RGS7: variants seen among roughly 807,000 people sequenced by gnomAD.
The protein encoded by RGS7 is regulator of G protein signaling 7.
A neutral mutation model predicts 81.1 loss-of-function variants in RGS7; 27 were observed. The observed-to-expected ratio is 0.33, with a 90% CI of 0.25 to 0.46. The LOEUF (loss-of-function observed/expected upper bound fraction) is 0.46, where lower values mean the gene tolerates loss of function less well. RGS7 is among the 20% of genes least tolerant of loss of function. RGS7 has a pLI of 1.00. For missense variants in RGS7, 396 were observed against 607.4 expected (o/e 0.65, Z 3.66); for synonymous variants, 208 against 207.7 (o/e 1.00, Z -0.01).
chr1:240,937,258 A>T (rs1676800970), intron 4 of RGS7, among the ~76,000 whole-genome samples: 1 of 152,330 alleles, frequency 6.6e-6, no homozygotes, highest in Non-Finnish European at 1.5e-5. Context: ...GTGCTCTCGC[A>T]GTGGCCAGAA....
At chr1:241,068,309 A>G (rs1306615242) in intron 3 of RGS7, among the ~76,000 whole-genome samples, 2 of 143,788 alleles carry the variant, frequency 1.4e-5, no homozygotes, top group Non-Finnish European at 3.0e-5. Flanking sequence ...TTAAAGACCT[A>G]TATTTAGTTG....
At chr1:240,791,830 T>C (rs1347787179) in intron 18 of RGS7, among the ~76,000 whole-genome samples, 1 of 152,202 alleles carries the variant, frequency 6.6e-6, no homozygotes, top group Admixed American at 6.5e-5. Context: ...TCCTAGATAC[T>C]TAAAACAAAT....
At chr1:240,920,415 G>C (rs1673319718) in intron 6 of RGS7, 7 of 1,356,990 alleles carry the variant, frequency 5.2e-6, no homozygotes, top group Non-Finnish European at 6.2e-6. Flanking sequence ...CAATTTTGGA[G>C]GTGGTGGAAG....
chr1:240,798,093 C>T (rs1206251553), intron 18 of RGS7, among the ~76,000 whole-genome samples: 1 of 152,122 alleles, frequency 6.6e-6, no homozygotes, highest in Admixed American at 6.6e-5. Flanking sequence ...TCACTATTTC[C>T]CCATTTTTTT....
At chr1:240,986,493 A>G (rs1422384622) in intron 3 of RGS7, among the ~76,000 whole-genome samples, 6 of 151,834 alleles carry the variant, frequency 4.0e-5, no homozygotes, top group Non-Finnish European at 4.4e-5. Flanking sequence ...CCCAAATTCT[A>G]TTTTCACAGA....
intron 2 of RGS7, among the ~76,000 whole-genome samples, chr1:241,127,642 T>A (rs113483797): frequency 6.6e-6 from 1 of 152,066 alleles, no homozygotes; most frequent in South Asian, 2.1e-4. Context: ...TGTATACATA[T>A]GTAACAAACC....
At chr1:240,957,093 G>A (rs1416300932) in intron 4 of RGS7, among the ~76,000 whole-genome samples, 3 of 152,140 alleles carry the variant, frequency 2.0e-5, no homozygotes, top group Non-Finnish European at 2.9e-5. Context: ...AACATTTGAG[G>A]CAGTGGACTG....
chr1:241,119,078 T>G (rs2066064871), intron 2 of RGS7, among the ~76,000 whole-genome samples: 1 of 151,946 alleles, frequency 6.6e-6, no homozygotes, highest in Non-Finnish European at 1.5e-5. Flanking sequence ...AATTAAAAAT[T>G]TACCAGCTAT....
Position 240,806,322 on chromosome 1 carries a change from A to G in RGS7, c.1087T>C (p.Trp363Arg). 1 of 1,613,876 alleles carries G rather than the reference A, an allele frequency of 6.2e-7. No individual in the cohort carries two copies. The highest frequency in any genetic ancestry group is 8.5e-7 in the Non-Finnish European group (1 of 1,179,840). The change falls in exon 15 of 19, where the codon TGG becomes CGG. Residue 363 changes from tryptophan (W) to arginine (R), a missense_variant. Trp to Arg is a moderately radical substitution (Grantham distance 101). Coordinates refer to ENST00000440928, the MANE Select transcript of RGS7 (RefSeq NM_001364886.1). Reference sequence around the variant, plus strand: ...TTTTTCAGGTCCTCCACTGCCAGCCAGAATCTATGCAGAATGTGAGATCGG... The same window carrying G: ...TTTTTCAGGTCCTCCACTGCCAGCCGGAATCTATGCAGAATGTGAGATCGG... ...SEFSSENLRF[W>R]LAVEDLKKRP...
At chr1:241,093,069 T>C (rs959435589) in intron 3 of RGS7, among the ~76,000 whole-genome samples, 3 of 152,216 alleles carry the variant, frequency 2.0e-5, no homozygotes, top group South Asian at 2.1e-4. Flanking sequence ...AGTAGTTTAT[T>C]ATAAAATACA....
intron 3 of RGS7, among the ~76,000 whole-genome samples, chr1:241,030,676 A>G (rs2060042448): frequency 6.6e-6 from 1 of 151,976 alleles, no homozygotes; most frequent in African/African-American, 2.4e-5. Context: ...CTCAGCCACT[A>G]TCATCTCTCC....
At chr1:241,162,398 T>C (rs532231358) in intron 2 of RGS7, among the ~76,000 whole-genome samples, 2 of 152,320 alleles carry the variant, frequency 1.3e-5, no homozygotes, top group African/African-American at 4.8e-5. Flanking sequence ...ACGCAGCCCC[T>C]TCCAAGTGCT....
intron 2 of RGS7, among the ~76,000 whole-genome samples, chr1:241,264,547 G>A (rs891690110): frequency 1.3e-5 from 2 of 152,016 alleles, no homozygotes; most frequent in Admixed American, 1.3e-4. Context: ...AACCCTGAAC[G>A]TCATGTTTTC....
intron 2 of RGS7, among the ~76,000 whole-genome samples, chr1:241,291,570 C>CCTTTTTTTTTTTTTTTT (rs2079088264): frequency 1.1e-5 from 1 of 94,164 alleles, no homozygotes; most frequent in African/African-American, 4.1e-5. Context: ...GAATTCCCAG[C>CCTTTTTTTTTTTTTTTT]TTTTTTTTTT....
At position 240,867,379 on chromosome 1, in the gene RGS7, T is replaced by G. The variant is rs891376756; in HGVS notation, c.609+1208A>C. 2.0e-5 allele frequency among the ~76,000 whole-genome samples: 3 copies of G among 152,160 alleles called. 1 individual carries two copies. Among genetic ancestry groups the G allele is most frequent in the African/African-American group, 7.2e-5 (3 of 41,442 alleles). ...TTTATTCTAATAATACTTATATAAA[T>G]ATTATTCTCTACTGCCTTGTCTGTA... On this transcript the variant is annotated intron_variant, in intron 9 of 18. Coordinates refer to ENST00000440928, the MANE Select transcript of RGS7 (RefSeq NM_001364886.1).
In RGS7 at chr1:240,915,237, C is replaced by T. The variant is rs190383770; in HGVS notation, c.385+15480G>A. Among the ~76,000 whole-genome samples the T allele has an allele frequency of 1.3e-3, 198 of 152,248 alleles. 1 individual carries two copies. Among genetic ancestry groups the T allele is most frequent in the African/African-American group, 4.4e-3 (183 of 41,542 alleles). The stretch of plus-strand genomic sequence containing the variant: ...GAGATTATAGCAGAGCCTAAACCAC[C>T]GGGGAGTAGGGAAATATCCAACTCC... On this transcript the variant is annotated intron_variant, in intron 6 of 18. Transcript: ENST00000440928.
chr1:241,069,926 G>A (rs1558671544), intron 3 of RGS7, among the ~76,000 whole-genome samples: 1 of 152,178 alleles, frequency 6.6e-6, no homozygotes, highest in Non-Finnish European at 1.5e-5. Flanking sequence ...TTGCAACAAT[G>A]TTGTGAGAAA....
intron 3 of RGS7, among the ~76,000 whole-genome samples, chr1:241,033,907 C>T (rs1476099204): frequency 1.3e-5 from 2 of 151,998 alleles, no homozygotes; most frequent in Admixed American, 1.3e-4. Context: ...AAAAAGGAAC[C>T]TTACCACAGA....
chr1:241,108,608 A>C (rs1437861511), intron 2 of RGS7, among the ~76,000 whole-genome samples: 1 of 152,148 alleles, frequency 6.6e-6, no homozygotes, highest in African/African-American at 2.4e-5. Context: ...CTCGTGGCTA[A>C]TTTTTATTGC....
Sources: gnomAD v4.1 joint callset for allele counts (sites outside exome capture counted in the v4.1 genomes callset) on GRCh38, gnomAD v4.1.1 for gene constraint, MANE v1.5 for transcripts, NCBI Gene and HGNC (gene_info 2026-07-23, HGNC 2026-07-21) for gene names.